Variants in C2orf49 observed in about 807,000 individuals in gnomAD.
C2orf49 encodes the protein tRNA splicing ligase complex subunit 2, also known as tRNA-splicing ligase complex subunit ASW.
A neutral mutation model predicts 20.6 loss-of-function variants in C2orf49; 11 were observed. That is an observed-to-expected ratio of 0.53 (90% CI 0.34 to 0.88). C2orf49 has a LOEUF of 0.88. Ranked by LOEUF, C2orf49 falls within the 40% of genes least tolerant of loss-of-function variation. C2orf49 has a pLI of 0.02. For missense variants in C2orf49, 289 were observed against 274.2 expected, an observed-to-expected ratio of 1.05 and a Z score of -0.38; for synonymous variants, 134 against 108.5, an observed-to-expected ratio of 1.24 and a Z score of -1.46.
Position 105,348,683 on chromosome 2 carries a change from A to G in C2orf49, c.*3312A>G, listed in dbSNP as rs1679873152. ...TGCAGGTTTTGTAATTCAGTACAGAAAAGTTTAACCTTGTACATTTTTGTA... is the reference window on the plus strand; with the variant it reads ...TGCAGGTTTTGTAATTCAGTACAGAGAAGTTTAACCTTGTACATTTTTGTA... On this transcript the variant is annotated 3_prime_UTR_variant, in exon 4 of 4. Coordinates refer to ENST00000258457, the MANE Select transcript of C2orf49 (RefSeq NM_024093.3). 6.6e-6 allele frequency: 1 copy of G among 151,930 alleles called. No individual in the cohort carries two copies. The highest frequency in any genetic ancestry group is 1.5e-5 in the Non-Finnish European group (1 of 67,978). The allele number at this position is 151,930 out of a possible 1,614,324, so 9.4% of individuals were successfully genotyped here.
chr2:105,377,785 T>G, the C2orf49 span: 2 of 308,286 alleles, frequency 6.5e-6, no homozygotes, highest in South Asian at 2.9e-5. Flanking sequence ...GACCCAAGAG[T>G]CACTGTCTGG....
the C2orf49 span, among the ~76,000 whole-genome samples, chr2:105,361,613 G>C: frequency 6.6e-6 from 1 of 152,158 alleles, no homozygotes; most frequent in Non-Finnish European, 1.5e-5. Context: ...GCACAGCCTG[G>C]AGGATCTCGT....
the C2orf49 span, among the ~76,000 whole-genome samples, chr2:105,372,505 G>C: frequency 6.6e-6 from 1 of 152,074 alleles, no homozygotes; most frequent in South Asian, 2.1e-4. Context: ...GATTACAGGG[G>C]TGAGCCACCA....
chr2:105,341,893 T>C (rs1232547016), intron 2 of C2orf49, among the ~76,000 whole-genome samples: 3 of 152,190 alleles, frequency 2.0e-5, no homozygotes, highest in Non-Finnish European at 2.9e-5. Context: ...GGGTTTTTTT[T>C]TGGGCCAAGA....
the C2orf49 span, among the ~76,000 whole-genome samples, chr2:105,370,213 C>A: frequency 6.6e-6 from 1 of 151,728 alleles, no homozygotes; most frequent in East Asian, 1.9e-4. Flanking sequence ...TCTCTACCCC[C>A]CCAAAAAAAA....
chr2:105,356,720 ATGTT>A, the C2orf49 span, among the ~76,000 whole-genome samples: 1 of 152,136 alleles, frequency 6.6e-6, no homozygotes, highest in African/African-American at 2.4e-5. Context: ...TTGTATATGT[ATGTT>A]TAATTTCCCA....
chr2:105,374,881 T>C, the C2orf49 span, among the ~76,000 whole-genome samples: 1 of 152,178 alleles, frequency 6.6e-6, no homozygotes, highest in Non-Finnish European at 1.5e-5. Context: ...AACAGAGTAT[T>C]AGGCTCTGCA....
the C2orf49 span, among the ~76,000 whole-genome samples, chr2:105,383,482 CTA>C: frequency 6.6e-6 from 1 of 152,174 alleles, no homozygotes; most frequent in Non-Finnish European, 1.5e-5. Flanking sequence ...GATGTTCAAA[CTA>C]TATAACAGGC....
Position 105,337,601 on chromosome 2 carries a change from T to G in C2orf49, c.14T>G (p.Val5Gly), listed in dbSNP as rs751108065. MAGD[V>G]GGRSCTDSEL... Reference sequence around the variant, plus strand: ...CTGGCGACGACCATGGCGGGGGATGTGGGCGGTCGCAGCTGCACGGACTCG... The same window carrying G: ...CTGGCGACGACCATGGCGGGGGATGGGGGCGGTCGCAGCTGCACGGACTCG... The change falls in exon 1 of 4, where the codon GTG becomes GGG. Residue 5 changes from valine to glycine, a missense_variant. By Grantham distance (109) the Val-to-Gly change is moderately radical. Transcript: ENST00000258457. 1.2e-6 allele frequency: 2 copies of G among 1,612,158 alleles called. No homozygotes were observed. Among genetic ancestry groups the G allele is most frequent in the East Asian group, 2.2e-5 (1 of 44,780 alleles).
chr2:105,343,073 G>A lies in C2orf49; in HGVS notation c.492G>A (p.Thr164=), dbSNP rs761076926. 24 of 1,614,160 alleles carry A rather than the reference G, an allele frequency of 1.5e-5. No homozygotes were observed. Among genetic ancestry groups the A allele is most frequent in the Non-Finnish European group, 2.0e-5 (24 of 1,180,032 alleles). Residue 164 remains threonine (T), a synonymous_variant, in exon 3 of 4, where the codon ACG becomes ACA. Transcript: ENST00000258457. Reference sequence around the variant, plus strand: ...CCAATTTGCCTGTGAACAATAAAACGGAACACAATAATAATGACGCTAAAC... The same window carrying A: ...CCAATTTGCCTGTGAACAATAAAACAGAACACAATAATAATGACGCTAAAC... ...LSSNLPVNNK[T]EHNNNDAKQN...
chr2:105,355,925 T>C, the C2orf49 span, among the ~76,000 whole-genome samples: 37 of 152,094 alleles, frequency 2.4e-4, no homozygotes, highest in Non-Finnish European at 5.0e-4. Flanking sequence ...TGAACATACA[T>C]GGCTGTGTTT....
rs1459188270 is a variant in C2orf49, at chr2:105,342,986, C to T, written c.405C>T (p.Thr135=). The part of the protein sequence containing the change: ...RLKPPPQASF[T]SNAFRKLSNS... ...AGCCTCCCCCGCAGGCAAGCTTTAC[C>T]AGTAATGCCTTTAGAAAATTATCAA... Residue 135 remains threonine (T), a synonymous_variant, in exon 3 of 4, where the codon ACC becomes ACT. Coordinates refer to ENST00000258457, the MANE Select transcript of C2orf49 (RefSeq NM_024093.3). The T allele has an allele frequency of 1.9e-6, 3 of 1,614,206 alleles. No individual in the cohort carries two copies. Among genetic ancestry groups the T allele is most frequent in the Non-Finnish European group, 1.7e-6 (2 of 1,180,044 alleles).
At chr2:105,377,206 G>T in the C2orf49 span, among the ~76,000 whole-genome samples, 365 of 152,318 alleles carry the variant, frequency 2.4e-3, 1 homozygote, top group African/African-American at 8.5e-3. Flanking sequence ...TTTCAGATTT[G>T]CAAGAAGCAA....
chr2:105,372,666 G>A, the C2orf49 span, among the ~76,000 whole-genome samples: 2 of 152,130 alleles, frequency 1.3e-5, no homozygotes, highest in Non-Finnish European at 1.5e-5. Flanking sequence ...GTGCACGCCT[G>A]TAGTCTCAGC....
At chr2:105,378,123 C>G in the C2orf49 span, 309 of 471,224 alleles carry the variant, frequency 6.6e-4, 4 homozygotes, top group Middle Eastern at 2.6e-3. Flanking sequence ...CATGCCTGCA[C>G]AGACATGGAA....
In C2orf49 at chr2:105,341,788, G is replaced by C. The variant is rs567882096; in HGVS notation, c.267-1060G>C. Among the ~76,000 whole-genome samples, 6 of 152,332 alleles carry C rather than the reference G, an allele frequency of 3.9e-5. No homozygotes were observed. In the South Asian group the frequency reaches 8.3e-4, roughly 21 times the overall value. On this transcript the variant is annotated intron_variant, in intron 2 of 3. Transcript: ENST00000258457. ...TACTGACTGACGTTGCTGTGCTGGT[G>C]CTGCTGGTCCCTGGATCACACTTTG...
chr2:105,340,500 A>G (rs1017617167), intron 2 of C2orf49, among the ~76,000 whole-genome samples: 1 of 152,326 alleles, frequency 6.6e-6, no homozygotes, highest in South Asian at 2.1e-4. Context: ...TGGAGCATGC[A>G]TGTATTTTGA....
chr2:105,368,214 C>T, the C2orf49 span, among the ~76,000 whole-genome samples: 1 of 152,306 alleles, frequency 6.6e-6, no homozygotes, highest in East Asian at 1.9e-4. Flanking sequence ...GAACCTCGAA[C>T]CTGATTCAGT....
downstream of C2orf49, among the ~76,000 whole-genome samples, chr2:105,351,492 A>G (rs1044558848): frequency 6.6e-6 from 1 of 152,128 alleles, no homozygotes; most frequent in African/African-American, 2.4e-5. Flanking sequence ...TTAATGATTT[A>G]TGTCAGTATG....
Sources: allele counts gnomAD v4.1 joint callset (sites outside exome capture counted in the v4.1 genomes callset), GRCh38; gene constraint gnomAD v4.1.1; transcripts MANE v1.5; gene names NCBI Gene and HGNC (gene_info 2026-07-23, HGNC 2026-07-21).